The following LY96 variants were observed in gnomAD, a reference collection of about 807,000 sequenced individuals.
The protein encoded by LY96 is lymphocyte antigen 96.
In LY96, 18 loss-of-function variants were observed where a neutral mutation model predicts 18.9. The ratio of observed to expected loss-of-function variants is 0.95; its 90% CI spans 0.66 to 1.41. The LOEUF (loss-of-function observed/expected upper bound fraction) is 1.41. Ranked by LOEUF, LY96 falls within the 40% of genes most tolerant of loss-of-function variation. The pLI is 0.00. For synonymous variants in LY96, 66 were observed against 62.6 expected (o/e 1.06, Z -0.26); for missense variants, 175 against 182.4 (o/e 0.96, Z 0.23).
intron 1 of LY96, among the ~76,000 whole-genome samples, chr8:74,004,418 G>A (rs771364479): frequency 6.6e-6 from 1 of 152,162 alleles, no homozygotes; most frequent in Non-Finnish European, 1.5e-5. Flanking sequence ...AGCTGGTTGG[G>A]GGGGTCTCTT....
the LY96 span, among the ~76,000 whole-genome samples, chr8:74,069,410 C>T: frequency 6.6e-6 from 1 of 152,108 alleles, no homozygotes; most frequent in Non-Finnish European, 1.5e-5. Flanking sequence ...ATGCACATAT[C>T]CTCAGGAGAC....
chr8:74,009,895 A>C, intron 2 of LY96, 106 bp from the exon 3 acceptor site: 1 of 786,634 alleles, frequency 1.3e-6, no homozygotes, highest in Non-Finnish European at 2.2e-6. Flanking sequence ...TAAATGAAAT[A>C]ATGTAAGAAA....
intron 3 of LY96, among the ~76,000 whole-genome samples, chr8:74,012,016 G>A (rs1186945186): frequency 6.6e-6 from 1 of 152,160 alleles, no homozygotes; most frequent in East Asian, 1.9e-4. Context: ...AGCCAGAATG[G>A]CTATTCTTAA....
chr8:74,067,864 C>G, the LY96 span, among the ~76,000 whole-genome samples: 1 of 151,824 alleles, frequency 6.6e-6, no homozygotes, highest in Non-Finnish European at 1.5e-5. Flanking sequence ...AGTTTGAGGA[C>G]AGCCTGGTCA....
chr8:74,020,120 A>G (rs1816729715), intron 3 of LY96, among the ~76,000 whole-genome samples: 2 of 152,220 alleles, frequency 1.3e-5, no homozygotes, highest in South Asian at 4.1e-4. Context: ...GGAAAAGAGG[A>G]TGTCAAATTG....
At chr8:74,007,546 A>T (rs1021591089) in intron 2 of LY96, among the ~76,000 whole-genome samples, 1 of 152,190 alleles carries the variant, frequency 6.6e-6, no homozygotes, top group African/African-American at 2.4e-5. Context: ...TCAGGAAGAG[A>T]TACAAGTACA....
At chr8:74,037,689 G>C in the LY96 span, among the ~76,000 whole-genome samples, 1 of 152,120 alleles carries the variant, frequency 6.6e-6, no homozygotes, top group Non-Finnish European at 1.5e-5. Flanking sequence ...TCAAATTGCA[G>C]ATACTGTGGA....
At chr8:74,089,025 G>A in the LY96 span, among the ~76,000 whole-genome samples, 2 of 152,180 alleles carry the variant, frequency 1.3e-5, no homozygotes, top group African/African-American at 4.8e-5. Flanking sequence ...GGGGGAGATG[G>A]GGTGAGAAGG....
intron 3 of LY96, among the ~76,000 whole-genome samples, chr8:74,012,717 C>T (rs1345763722): frequency 6.6e-6 from 1 of 151,736 alleles, no homozygotes. Context: ...GTTATAAGAA[C>T]AAAATTTATA....
the LY96 span, among the ~76,000 whole-genome samples, chr8:74,059,418 G>C: frequency 6.6e-6 from 1 of 152,194 alleles, no homozygotes; most frequent in African/African-American, 2.4e-5. Flanking sequence ...AAAGAAGCAG[G>C]AGGTGGGGAT....
In LY96 at chr8:74,029,066, T is replaced by C. The variant is rs1816926105; in HGVS notation, c.*12T>C. The C allele has an allele frequency of 6.6e-7, 1 of 1,524,954 alleles. No homozygotes were observed. The highest frequency in any genetic ancestry group is 1.9e-4 in the Middle Eastern group (1 of 5,184). The allele number at this position is 1,524,954 out of a possible 1,614,324, so 94.5% of individuals were successfully genotyped here. A position where few individuals can be genotyped will look rare whatever the true frequency, so the allele number is the denominator to read the frequency against. ...CTAATTCAAATTAGAATAAATTGAGTATTTAAAAAAAAATTTAAAGGTATT... is the reference window on the plus strand; with the variant it reads ...CTAATTCAAATTAGAATAAATTGAGCATTTAAAAAAAAATTTAAAGGTATT... On this transcript the variant is annotated 3_prime_UTR_variant, in exon 5 of 5. Coordinates refer to ENST00000284818, the MANE Select transcript of LY96 (RefSeq NM_015364.5).
chr8:74,074,062 A>G, the LY96 span, among the ~76,000 whole-genome samples: 14 of 152,058 alleles, frequency 9.2e-5, no homozygotes, highest in Non-Finnish European at 1.5e-4. Flanking sequence ...CAGTGGCGCA[A>G]TCTCAGCTCA....
chr8:74,067,505 G>A, the LY96 span, among the ~76,000 whole-genome samples: 8 of 152,200 alleles, frequency 5.3e-5, no homozygotes, highest in South Asian at 2.1e-4. Flanking sequence ...GAGCCACTCC[G>A]CCTTCCATGT....
the LY96 span, chr8:74,056,282 GT>G: frequency 3.7e-6 from 1 of 271,548 alleles, no homozygotes; most frequent in Admixed American, 5.5e-5. Flanking sequence ...TGCTTCATTT[GT>G]TTTGTGTTCA....
downstream of LY96, among the ~76,000 whole-genome samples, chr8:74,031,985 A>G (rs573445720): frequency 6.6e-6 from 1 of 151,834 alleles, no homozygotes; most frequent in South Asian, 2.1e-4. Flanking sequence ...ATTATCTGGT[A>G]GTGGTGGCGC....
At chr8:74,054,670 TTCTTTTTA>T in the LY96 span, among the ~76,000 whole-genome samples, 1 of 143,340 alleles carries the variant, frequency 7.0e-6, no homozygotes, top group African/African-American at 2.6e-5. Flanking sequence ...CTTTCTTTCT[TTCTTTTTA>T]TTTGAGATGG....
chr8:74,073,117 CAG>C, the LY96 span, among the ~76,000 whole-genome samples: 1 of 152,302 alleles, frequency 6.6e-6, no homozygotes, highest in East Asian at 1.9e-4. Flanking sequence ...CCCACACAAA[CAG>C]ACTGAAATCC....
At chr8:74,043,053 G>T in the LY96 span, among the ~76,000 whole-genome samples, 21 of 152,258 alleles carry the variant, frequency 1.4e-4, no homozygotes, top group East Asian at 3.9e-3. Flanking sequence ...GGGATTACAG[G>T]CATGAGCCAC....
At chr8:74,061,750 T>C in the LY96 span, among the ~76,000 whole-genome samples, 2 of 152,262 alleles carry the variant, frequency 1.3e-5, no homozygotes, top group African/African-American at 4.8e-5. Context: ...TTTTCAACTT[T>C]TCTTATATTG....
Sources: gnomAD v4.1 joint callset for allele counts (sites outside exome capture counted in the v4.1 genomes callset) on GRCh38, gnomAD v4.1.1 for gene constraint, MANE v1.5 for transcripts, NCBI Gene and HGNC (gene_info 2026-07-23, HGNC 2026-07-21) for gene names.